DPP10: variants seen among roughly 807,000 people sequenced by gnomAD.
DPP10 encodes inactive dipeptidyl peptidase 10.
A neutral mutation model predicts 120.9 loss-of-function variants in DPP10; 33 were observed. The observed-to-expected ratio is 0.27, with a 90% CI of 0.21 to 0.37. The LOEUF is 0.37. Among genes scored for constraint, DPP10 ranks in the 10% least tolerant of loss-of-function variants. DPP10 has a pLI of 1.00. For missense variants in DPP10, 816 were observed against 942.8 expected (o/e 0.87, Z 1.76); for synonymous variants, 337 against 326.1 (o/e 1.03, Z -0.36).
At chr2:114,454,030 T>C (rs1558772247) in intron 1 of DPP10, among the ~76,000 whole-genome samples, 1 of 152,124 alleles carries the variant, frequency 6.6e-6, no homozygotes, top group Non-Finnish European at 1.5e-5. Context: ...TTGATGACCA[T>C]AGCGTATGAA....
intron 1 of DPP10, among the ~76,000 whole-genome samples, chr2:114,818,101 T>C (rs1685787132): frequency 6.6e-6 from 1 of 152,096 alleles, no homozygotes; most frequent in Admixed American, 6.6e-5. Flanking sequence ...CAAGATAACA[T>C]TGAATCTTCA....
intron 1 of DPP10, among the ~76,000 whole-genome samples, chr2:114,927,611 A>G (rs1019687606): frequency 2.0e-5 from 3 of 152,144 alleles, no homozygotes; most frequent in African/African-American, 7.2e-5. Context: ...GAGCAGCAGG[A>G]TGACTTTGAA....
In DPP10 at chr2:115,159,255, G is replaced by T. The variant is rs75173817; in HGVS notation, c.61-149984G>T. ...GGGCGGATAACTAGGTCAGGAGATC[G>T]AGACAATGCCGGCTAACACGGTGAA... On this transcript the variant is annotated intron_variant, in intron 1 of 25. Transcript: ENST00000410059. 3.7e-4 allele frequency among the ~76,000 whole-genome samples: 57 copies of T among 152,214 alleles called. No individual in the cohort carries two copies. The East Asian group carries it at 0.01, about 28-fold the overall frequency.
intron 1 of DPP10, among the ~76,000 whole-genome samples, chr2:115,167,427 G>A (rs1413520580): frequency 2.0e-5 from 3 of 151,402 alleles, no homozygotes; most frequent in Non-Finnish European, 4.4e-5. Context: ...AAACAAAAAA[G>A]AAAATAAAAA....
chr2:114,959,340 T>C (rs1205472952), intron 1 of DPP10, among the ~76,000 whole-genome samples: 3 of 152,210 alleles, frequency 2.0e-5, no homozygotes. Flanking sequence ...ATGTGGCCTT[T>C]TGTGTCTGGT....
intron 1 of DPP10, among the ~76,000 whole-genome samples, chr2:115,032,606 T>C (rs1703914019): frequency 6.6e-6 from 1 of 151,776 alleles, no homozygotes; most frequent in African/African-American, 2.4e-5. Flanking sequence ...ATTGGCCGGG[T>C]GTGGTGGCTC....
chr2:115,232,982 C>A (rs1047261301), intron 1 of DPP10, among the ~76,000 whole-genome samples: 2 of 151,992 alleles, frequency 1.3e-5, no homozygotes, highest in African/African-American at 4.8e-5. Context: ...CTAATAAGGA[C>A]TAGAGTTGAG....
In DPP10 at chr2:115,250,798, AT is replaced by A. The variant is rs1368038311; in HGVS notation, c.61-58439del. On this transcript the variant is annotated intron_variant, in intron 1 of 25. Transcript: ENST00000410059. ...TCTTCTTTGATAACTTACTTCTAGA[AT>A]TATATTAATGAACAGTAGTAACTTG... is the stretch of plus-strand genomic sequence containing the variant. Among the ~76,000 whole-genome samples the A allele has an allele frequency of 3.9e-5, 6 of 152,278 alleles. No homozygotes were observed. In the South Asian group the frequency reaches 1.2e-3, roughly 32 times the overall value.
intron 1 of DPP10, among the ~76,000 whole-genome samples, chr2:115,085,560 C>T (rs1167888453): frequency 1.3e-5 from 2 of 152,118 alleles, no homozygotes; most frequent in African/African-American, 4.8e-5. Flanking sequence ...AATAAAATAA[C>T]ACTTTTGAAA....
intron 1 of DPP10, among the ~76,000 whole-genome samples, chr2:115,244,810 CAT>C (rs2058457959): frequency 6.7e-6 from 1 of 148,220 alleles, no homozygotes; most frequent in African/African-American, 2.5e-5. Context: ...TGTGTATATA[CAT>C]GTGTATATAT....
chr2:115,330,427 T>C (rs2062649843), intron 2 of DPP10, among the ~76,000 whole-genome samples: 1 of 151,398 alleles, frequency 6.6e-6, no homozygotes, highest in African/African-American at 2.4e-5. Flanking sequence ...GTGCAGAAGC[T>C]CTTTAGTTTA....
intron 8 of DPP10, among the ~76,000 whole-genome samples, chr2:115,734,422 G>A (rs564371129): frequency 1.1e-4 from 17 of 152,100 alleles, no homozygotes; most frequent in African/African-American, 2.4e-4. Context: ...CTGGGAGGCC[G>A]AGGTGGGCGG....
intron 1 of DPP10, among the ~76,000 whole-genome samples, chr2:115,017,693 T>A (rs1310071905): frequency 6.6e-6 from 1 of 152,080 alleles, no homozygotes; most frequent in Non-Finnish European, 1.5e-5. Context: ...GATGAGTTCA[T>A]GTCCTTCATA....
At chr2:115,309,596 AT>A (rs2061498734) in intron 2 of DPP10, among the ~76,000 whole-genome samples, 1 of 152,028 alleles carries the variant, frequency 6.6e-6, no homozygotes, top group Non-Finnish European at 1.5e-5. Context: ...TGCCAAGGAG[AT>A]TTTTGGTCTC....
chr2:114,809,418 A>T (rs1684998796), intron 1 of DPP10, among the ~76,000 whole-genome samples: 1 of 152,232 alleles, frequency 6.6e-6, no homozygotes, highest in African/African-American at 2.4e-5. Flanking sequence ...TCTGCAGGTT[A>T]GCCTGACACT....
intron 1 of DPP10, among the ~76,000 whole-genome samples, chr2:114,522,365 A>G (rs1685143032): frequency 6.6e-6 from 1 of 152,280 alleles, no homozygotes; most frequent in East Asian, 1.9e-4. Flanking sequence ...TATAACACCC[A>G]TGATCCTTCA....
At chr2:114,804,328 G>T (rs1684535138) in intron 1 of DPP10, among the ~76,000 whole-genome samples, 1 of 152,202 alleles carries the variant, frequency 6.6e-6, no homozygotes, top group African/African-American at 2.4e-5. Flanking sequence ...AGGGAAATGT[G>T]GGGTTGGAGA....
intron 1 of DPP10, among the ~76,000 whole-genome samples, chr2:114,639,594 C>T (rs986469245): frequency 3.3e-5 from 5 of 151,836 alleles, no homozygotes; most frequent in Admixed American, 2.6e-4. Flanking sequence ...CAAACCTCAG[C>T]ATCATGCAAT....
At position 115,094,363 on chromosome 2, in the gene DPP10, C is replaced by A. The variant is rs527649117; in HGVS notation, c.61-214876C>A. 1.1e-4 allele frequency among the ~76,000 whole-genome samples: 16 copies of A among 152,220 alleles called. No individual in the cohort carries two copies. In the South Asian group the frequency reaches 3.3e-3, roughly 32 times the overall value. On this transcript the variant is annotated intron_variant, in intron 1 of 25. Transcript: ENST00000410059. ...GAAGGTGATAAAAGAATTCAAATAT[C>A]TGGACTGAGGTATATATTTTAGGAG...
Sources: allele counts gnomAD v4.1 joint callset (sites outside exome capture counted in the v4.1 genomes callset), GRCh38; gene constraint gnomAD v4.1.1; transcripts MANE v1.5; gene names NCBI Gene and HGNC (gene_info 2026-07-23, HGNC 2026-07-21).